Variants in APOB observed in about 807,000 individuals in gnomAD.
The protein encoded by APOB is apolipoprotein B-100.
Under a neutral mutation model 314.1 loss-of-function variants are expected in APOB, and 153 were observed. The observed-to-expected ratio is 0.49, with a 90% CI of 0.43 to 0.56. The LOEUF is 0.56. APOB is among the 20% of genes least tolerant of loss of function. APOB has a pLI of 0.00. For synonymous variants in APOB, 2,087 were observed against 2,036.4 expected (o/e 1.02, Z -0.67); for missense variants, 5,430 against 5,350.7 (o/e 1.01, Z -0.46).
chr2:21,040,891 T>A (rs772769920), intron 4 of APOB, 47 bp downstream of exon 4: 1 of 1,610,264 alleles, frequency 6.2e-7, no homozygotes, highest in South Asian at 1.1e-5. Flanking sequence ...AGTTCATACC[T>A]CAGCGGACAC....
At position 21,009,851 on chromosome 2, in the gene APOB, G is replaced by C. The variant is rs759994489; in HGVS notation, c.7017C>G (p.Ala2339=). 2.5e-6 allele frequency: 4 copies of C among 1,613,852 alleles called. No individual in the cohort carries two copies. Among genetic ancestry groups the C allele is most frequent in the Admixed American group, 1.7e-5 (1 of 59,992 alleles). The change falls in exon 26 of 29, where the codon GCC becomes GCG. Residue 2339 remains alanine, a synonymous_variant. Transcript: ENST00000233242. ...ACCTCTCGATTAACTCATGGACTTTGGCTCTGAAGGCATTGATTTTCTCAG... is the reference window on the plus strand; with the variant it reads ...ACCTCTCGATTAACTCATGGACTTTCGCTCTGAAGGCATTGATTTTCTCAG... ...EVAEKINAFR[A]KVHELIERYE...
chr2:21,037,924 A>G lies in APOB; in HGVS notation c.537+34T>C, dbSNP rs141321731. Reference sequence around the variant, plus strand: ...TCTCTAACACATGAAGATGAGTTTCAAGGGCCACTGCTATCAGCTTTCTAA... The same window carrying G: ...TCTCTAACACATGAAGATGAGTTTCGAGGGCCACTGCTATCAGCTTTCTAA... On this transcript the variant is annotated intron_variant, in intron 5 of 28. Transcript: ENST00000233242. The G allele has an allele frequency of 4.5e-5, 73 of 1,613,752 alleles. No homozygotes were observed. The African/African-American group carries it at 8.9e-4, about 20-fold the overall frequency.
Position 21,011,664 on chromosome 2 carries a change from C to A in APOB, c.5204G>T (p.Gly1735Val). 1 of 1,614,166 alleles carries A rather than the reference C, an allele frequency of 6.2e-7. No individual in the cohort carries two copies. Among genetic ancestry groups the A allele is most frequent in the Non-Finnish European group, 8.5e-7 (1 of 1,180,038 alleles). Residue 1735 changes from glycine (G) to valine (V), a missense_variant, in exon 26 of 29, where the codon GGA (glycine) becomes GTA (valine). Physicochemically the swap from Gly to Val is moderately radical, Grantham distance 109. Transcript: ENST00000233242. ...CATCATGTCATTTGAGAGCTTAAGTCCTTCTTGACTGACCTTGAAGTTGAA... is the reference window on the plus strand; with the variant it reads ...CATCATGTCATTTGAGAGCTTAAGTACTTCTTGACTGACCTTGAAGTTGAA... ...NIFNFKVSQE[G>V]LKLSNDMMGS...
chr2:21,029,667 G>C lies in APOB; in HGVS notation c.1589C>G (p.Ala530Gly). The C allele has an allele frequency of 1.9e-6, 3 of 1,614,210 alleles. No homozygotes were observed. Among genetic ancestry groups the C allele is most frequent in the Middle Eastern group, 1.6e-4 (1 of 6,062 alleles). The change falls in exon 12 of 29, where the codon GCT (alanine) becomes GGT (glycine). Residue 530 changes from alanine (A) to glycine (G), a missense_variant. Transcript: ENST00000233242. ...GTCTTTAGGCTCCATTTTCCGCAGA[G>C]CCTGGATGGCAGCTTTCTGGATCAT... is the stretch of plus-strand genomic sequence containing the variant. Reference protein sequence around the residue: ...SLMIQKAAIQALRKMEPKDKD... With the variant: ...SLMIQKAAIQGLRKMEPKDKD...
At position 21,013,512 on chromosome 2, in the gene APOB, G is replaced by T. The variant is rs367654009; in HGVS notation, c.3864C>A (p.Thr1288=). 150 of 1,614,024 alleles carry T rather than the reference G, an allele frequency of 9.3e-5. No individual in the cohort carries two copies. The highest frequency in any genetic ancestry group is 1.2e-4 in the Non-Finnish European group (145 of 1,180,038). The stretch of plus-strand genomic sequence containing the variant: ...CAATTTTCAAACTGTTCTTGTTCAA[G>T]GTATATTTGACCCGGCCATCGCTGA... ...FLKSDGRVKY[T]LNKNSLKIEI... is the part of the protein sequence containing the mutation. Residue 1288 remains threonine, a synonymous_variant, in exon 25 of 29, where the codon ACC becomes ACA. Coordinates refer to ENST00000233242, the MANE Select transcript of APOB (RefSeq NM_000384.3).
chr2:21,007,469 A>G lies in APOB; in HGVS notation c.9399T>C (p.Pro3133=), dbSNP rs372263523. 5 of 1,613,990 alleles carry G rather than the reference A, an allele frequency of 3.1e-6. No individual in the cohort carries two copies. In the African/African-American group the frequency reaches 4.0e-5, roughly 13 times the overall value. ...TTATTGTGTAAGGTAGACGCATTTC[A>G]GGAATTGTTAAAGGAATGTTTAAGA... ...LDFLNIPLTI[P]EMRLPYTIIT... Residue 3133 remains proline, a synonymous_variant, in exon 26 of 29, where the codon CCT becomes CCC. Coordinates refer to ENST00000233242, the MANE Select transcript of APOB (RefSeq NM_000384.3).
In APOB at chr2:21,032,522, A is replaced by G. The variant is rs745609543; in HGVS notation, c.1184T>C (p.Leu395Pro). Residue 395 changes from leucine to proline, a missense_variant, in exon 10 of 29, where the codon CTC (leucine) becomes CCC (proline). Leu to Pro is a moderately conservative substitution (Grantham distance 98). This residue lies in a region of APOB where 2,085 missense variants were observed against 2,079.7 expected (regional missense o/e 1.00). Transcript: ENST00000233242. Reference protein sequence around the residue: ...CGQPQCSTHILQWLKRVHANP... With the variant: ...CGQPQCSTHIPQWLKRVHANP... ...GGCATGCACACGTTTCAGCCACTGGAGGATGTGAGTGGAGCACTGAGGCTG... is the reference window on the plus strand; with the variant it reads ...GGCATGCACACGTTTCAGCCACTGGGGGATGTGAGTGGAGCACTGAGGCTG... 12 of 1,614,154 alleles carry G rather than the reference A, an allele frequency of 7.4e-6. No homozygotes were observed. Among genetic ancestry groups the G allele is most frequent in the Non-Finnish European group, 9.3e-6 (11 of 1,180,030 alleles).
chr2:21,017,065 A>G (rs1233528329), intron 20 of APOB, among the ~76,000 whole-genome samples: 1 of 152,058 alleles, frequency 6.6e-6, no homozygotes, highest in Non-Finnish European at 1.5e-5. Flanking sequence ...TTTTGGAAGG[A>G]AAGAGAGGAA....
rs1424449148 is a variant in APOB at position 21,012,275 on chromosome 2, G to C, written c.4593C>G (p.Asn1531Lys). ...CATCTTCATATCTTCCTGTTATCTG[G>C]TTGGTGCCTTGGAGGTAGGAGGAGT... ...RFNSSYLQGT[N>K]QITGRYEDGT... The change falls in exon 26 of 29, where the codon AAC becomes AAG. Residue 1531 changes from asparagine (N) to lysine (K), a missense_variant. By Grantham distance (94) the Asn-to-Lys change is moderately conservative. Transcript: ENST00000233242. The C allele has an allele frequency of 1.9e-6, 3 of 1,613,978 alleles. No individual in the cohort carries two copies. The highest frequency in any genetic ancestry group is 2.5e-6 in the Non-Finnish European group (3 of 1,179,904).
chr2:21,028,689 G>T, intron 12 of APOB, 151 bp from the exon 13 acceptor site: 1 of 653,746 alleles, frequency 1.5e-6, no homozygotes, highest in South Asian at 1.8e-5. Context: ...GAATCTTCTT[G>T]CCAGTGTTTC....
At position 21,022,989 on chromosome 2, in the gene APOB, A is replaced by T; in HGVS notation, c.2658T>A (p.Asn886Lys). ...CGAAGTCCGGAATGATGATGCCCAT[A>T]TTTGTCACAAACTCCACAGACACGG... ...KPSVSVEFVT[N>K]MGIIIPDFAR... The change falls in exon 18 of 29, where the codon AAT becomes AAA. Residue 886 changes from asparagine to lysine, a missense_variant. Physicochemically the swap from Asn to Lys is moderately conservative, Grantham distance 94. Around this residue, in one of 3 missense-constraint regions of APOB, gnomAD observed 2,085 missense variants for 2,079.7 expected, o/e 1.00. Coordinates refer to ENST00000233242, the MANE Select transcript of APOB (RefSeq NM_000384.3). 6.2e-7 allele frequency: 1 copy of T among 1,614,178 alleles called. No individual in the cohort carries two copies.
At chr2:21,024,517 G>A in intron 16 of APOB, 2 of 309,588 alleles carry the variant, frequency 6.5e-6, no homozygotes, top group Non-Finnish European at 1.2e-5. Flanking sequence ...TACTTGGGAG[G>A]CTGAGGCAGG....
chr2:21,031,858 C>T (rs12720803), intron 10 of APOB, among the ~76,000 whole-genome samples: 3,852 of 151,296 alleles, frequency 0.025, 143 homozygotes, highest in African/African-American at 0.087. Flanking sequence ...AAAAAAACAA[C>T]AACAACAAAA....
rs141167034 is a variant in APOB, at chr2:21,011,262, T to C, written c.5606A>G (p.Asn1869Ser). ...VQGVEFSHRL[N>S]TDIAGLASAI... ...TGAAGCCAGCCCAGCGATGTCTGTG[T>C]TGAGCCGATGGCTAAACTCCACACC... The change falls in exon 26 of 29, where the codon AAC becomes AGC. Residue 1869 changes from asparagine to serine, a missense_variant. Transcript: ENST00000233242. The C allele has an allele frequency of 6.2e-6, 10 of 1,614,220 alleles. No individual in the cohort carries two copies. Among genetic ancestry groups the C allele is most frequent in the Non-Finnish European group, 8.5e-6 (10 of 1,180,020 alleles).
rs748849856 is a variant in APOB at position 21,007,584 on chromosome 2, T to G, written c.9284A>C (p.Gln3095Pro). 6.2e-7 allele frequency: 1 copy of G among 1,614,004 alleles called. No homozygotes were observed. Among genetic ancestry groups the G allele is most frequent in the African/African-American group, 1.3e-5 (1 of 74,934 alleles). Reference protein sequence around the residue: ...ASWQVSARFNQYKYNQNFSAG... With the variant: ...ASWQVSARFNPYKYNQNFSAG... ...AGAGAAATTTTGGTTGTACTTATAC[T>G]GATTGAACCTAGCACTTACTTGCCA... The change falls in exon 26 of 29, where the codon CAG becomes CCG. Residue 3095 changes from glutamine to proline, a missense_variant. By Grantham distance (76) the Gln-to-Pro change is moderately conservative. This residue lies in a region of APOB where 3,281 missense variants were observed against 3,171.0 expected (regional missense o/e 1.03). Transcript: ENST00000233242.
In APOB at chr2:21,005,348, T is replaced by C; in HGVS notation, c.11520A>G (p.Leu3840=). ...CTGCGATCTTGTTGGCTACTGCATT[T>C]AGATCCAAAGCAGCAATGCCATCTG... ...SVSDGIAALD[L]NAVANKIADF... The change falls in exon 26 of 29, where the codon CTA becomes CTG. Residue 3840 remains leucine, a synonymous_variant. Transcript: ENST00000233242. 6.2e-7 allele frequency: 1 copy of C among 1,614,100 alleles called. No individual in the cohort carries two copies. Among genetic ancestry groups the C allele is most frequent in the Non-Finnish European group, 8.5e-7 (1 of 1,179,980 alleles).
At chr2:21,017,139 A>T (rs1380526551) in intron 20 of APOB, among the ~76,000 whole-genome samples, 3 of 150,816 alleles carry the variant, frequency 2.0e-5, no homozygotes, top group Non-Finnish European at 3.0e-5. Context: ...ATTTTACTGA[A>T]TTTTTTTTTT....
At position 21,029,467 on chromosome 2, in the gene APOB, G is replaced by A. The variant is rs113010686; in HGVS notation, c.1617+172C>T. ...ATTCCATCTCGAAAGAAGGAAGGAA[G>A]GAAGGAAAGAAGAAAGGGAGGGAGG... On this transcript the variant is annotated intron_variant, in intron 12 of 28. Coordinates refer to ENST00000233242, the MANE Select transcript of APOB (RefSeq NM_000384.3). 3.0e-3 allele frequency among the ~76,000 whole-genome samples: 450 copies of A among 148,710 alleles called. 1 individual carries two copies. The highest frequency in any genetic ancestry group is 0.01 in the African/African-American group (420 of 40,540).
chr2:21,019,634 C>A (rs1227567658), intron 19 of APOB, 89 bp downstream of exon 19: 2 of 1,381,874 alleles, frequency 1.4e-6, no homozygotes, highest in Non-Finnish European at 2.0e-6. Flanking sequence ...CAGGGTCTTA[C>A]AACACAGAGT....
Sources: gnomAD v4.1 joint callset for allele counts (sites outside exome capture counted in the v4.1 genomes callset) on GRCh38, gnomAD v4.1.1 for gene constraint, gnomAD v4.1.1 regional missense constraint, MANE v1.5 for transcripts, NCBI Gene and HGNC (gene_info 2026-07-23, HGNC 2026-07-21) for gene names.